The following SPATS2 variants were observed in gnomAD, a reference collection of about 807,000 sequenced individuals.
SPATS2 encodes spermatogenesis associated serine rich 2.
Under a neutral mutation model 63.7 loss-of-function variants are expected in SPATS2, and 38 were observed. The ratio of observed to expected loss-of-function variants is 0.60; its 90% CI spans 0.46 to 0.78. The LOEUF is 0.78. SPATS2 is among the 30% of genes least tolerant of loss of function. SPATS2 has a pLI of 0.00. For synonymous variants in SPATS2, 207 were observed against 232.9 expected (o/e 0.89, Z 1.01); for missense variants, 588 against 666.2 (o/e 0.88, Z 1.29).
intron 2 of SPATS2, among the ~76,000 whole-genome samples, chr12:49,398,149 A>T (rs1245454855): frequency 6.6e-6 from 1 of 150,692 alleles, no homozygotes. Flanking sequence ...AAAAAAAAAA[A>T]AAAAAAAAAA....
chr12:49,433,893 A>G (rs1418918281), intron 2 of SPATS2, among the ~76,000 whole-genome samples: 2 of 152,156 alleles, frequency 1.3e-5, no homozygotes, highest in African/African-American at 4.8e-5. Flanking sequence ...GTTTTCTTCT[A>G]GGAGTTTCAT....
Position 49,525,989 on chromosome 12 carries a change from G to A in SPATS2, c.1372G>A (p.Gly458Ser), listed in dbSNP as rs2138110568. The A allele has an allele frequency of 6.2e-6, 10 of 1,614,240 alleles. No homozygotes were observed. The highest frequency in any genetic ancestry group is 1.3e-5 in the African/African-American group (1 of 75,054). ...AGGAGGACAGGGCTATAGGCCACAA[G>A]GCCAAAAGTCCAATGACCCCATGAA... Reference protein sequence around the residue: ...RRGGQGYRPQGQKSNDPMNQG... With the variant: ...RRGGQGYRPQSQKSNDPMNQG... The change falls in exon 14 of 14, where the codon GGC (glycine) becomes AGC (serine). Residue 458 changes from glycine to serine, a missense_variant. Gly to Ser is a moderately conservative substitution (Grantham distance 56). Coordinates refer to ENST00000552918, the MANE Select transcript of SPATS2 (RefSeq NM_023071.4).
At chr12:49,469,322 G>A (rs59305208) in intron 3 of SPATS2, among the ~76,000 whole-genome samples, 2,186 of 147,562 alleles carry the variant, frequency 0.015, 54 homozygotes, top group African/African-American at 0.052. Flanking sequence ...CCCAGGAGGC[G>A]GAGGTTGCAG....
intron 10 of SPATS2, 82 bp from the exon 11 acceptor site, chr12:49,518,991 C>T (rs1946893692): frequency 1.8e-6 from 2 of 1,109,340 alleles, no homozygotes; most frequent in Admixed American, 2.5e-5. Context: ...TGACCAAATA[C>T]CTACTGCAAG....
intron 4 of SPATS2, among the ~76,000 whole-genome samples, chr12:49,486,682 G>C (rs1946299363): frequency 6.6e-6 from 1 of 151,700 alleles, no homozygotes; most frequent in Admixed American, 6.6e-5. Flanking sequence ...GCTGGAGGCT[G>C]AGGCAGGAGA....
At chr12:49,450,171 A>G (rs1440976387) in intron 2 of SPATS2, among the ~76,000 whole-genome samples, 1 of 151,046 alleles carries the variant, frequency 6.6e-6, no homozygotes, top group Non-Finnish European at 1.5e-5. Flanking sequence ...TTTTTTGTAG[A>G]TGGCATACAG....
chr12:49,415,684 G>A (rs942427284), intron 2 of SPATS2, among the ~76,000 whole-genome samples: 1 of 152,018 alleles, frequency 6.6e-6, no homozygotes, highest in Non-Finnish European at 1.5e-5. Flanking sequence ...AACGCTTTTT[G>A]CATTTACTTT....
At chr12:49,488,413 C>A (rs766867638) in intron 4 of SPATS2, among the ~76,000 whole-genome samples, 1 of 152,040 alleles carries the variant, frequency 6.6e-6, no homozygotes, top group South Asian at 2.1e-4. Context: ...AATCCCAGCA[C>A]TTTGGGAGGT....
intron 3 of SPATS2, among the ~76,000 whole-genome samples, chr12:49,466,053 T>C (rs1241334729): frequency 6.6e-6 from 1 of 151,606 alleles, no homozygotes; most frequent in Admixed American, 6.6e-5. Flanking sequence ...TTTGGTATCG[T>C]GTCTGAGAAT....
At chr12:49,452,603 CA>C (rs1282109460) in intron 2 of SPATS2, among the ~76,000 whole-genome samples, 1 of 152,086 alleles carries the variant, frequency 6.6e-6, no homozygotes, top group Non-Finnish European at 1.5e-5. Flanking sequence ...TTTTTTCTCC[CA>C]TTTCTTCAAG....
intron 2 of SPATS2, among the ~76,000 whole-genome samples, chr12:49,400,201 G>A (rs775271560): frequency 6.6e-6 from 1 of 152,116 alleles, no homozygotes; most frequent in South Asian, 2.1e-4. Flanking sequence ...ATCTAAGTAA[G>A]ATGACTAAAA....
At chr12:49,489,958 T>C (rs538291569) in intron 5 of SPATS2, among the ~76,000 whole-genome samples, 1 of 152,356 alleles carries the variant, frequency 6.6e-6, no homozygotes, top group African/African-American at 2.4e-5. Flanking sequence ...GTCTTCCGGA[T>C]TCTAATATCG....
At chr12:49,436,374 A>G (rs1246063433) in intron 2 of SPATS2, among the ~76,000 whole-genome samples, 1 of 138,746 alleles carries the variant, frequency 7.2e-6, no homozygotes, top group Non-Finnish European at 1.5e-5. Flanking sequence ...CATCTCCCGG[A>G]TGGGGCAGCT....
intron 11 of SPATS2, among the ~76,000 whole-genome samples, chr12:49,520,094 C>T (rs1299655412): frequency 1.3e-5 from 2 of 152,098 alleles, no homozygotes; most frequent in African/African-American, 4.8e-5. Flanking sequence ...CTTCTCCTGC[C>T]TCAGCCTCCC....
rs376618568 is a variant in SPATS2, at chr12:49,503,207, G to A, written c.839+3002G>A. On this transcript the variant is annotated intron_variant, in intron 9 of 13. Coordinates refer to ENST00000552918, the MANE Select transcript of SPATS2 (RefSeq NM_023071.4). ...TCTACTAAACATTCAAAAATTAGCC[G>A]GGCGTGGTGGCGTGCACCTGTAATC... 5.6e-4 allele frequency among the ~76,000 whole-genome samples: 85 copies of A among 152,048 alleles called. No individual in the cohort carries two copies. In the South Asian group the frequency reaches 0.012, roughly 22 times the overall value.
At chr12:49,432,673 A>G (rs1401828572) in intron 2 of SPATS2, among the ~76,000 whole-genome samples, 1 of 152,074 alleles carries the variant, frequency 6.6e-6, no homozygotes, top group African/African-American at 2.4e-5. Context: ...GGAATCATAC[A>G]GTTTTTGTCT....
intron 4 of SPATS2, among the ~76,000 whole-genome samples, chr12:49,486,587 A>G (rs1214458997): frequency 6.6e-6 from 1 of 152,160 alleles, no homozygotes; most frequent in Non-Finnish European, 1.5e-5. Flanking sequence ...AAAATGTATT[A>G]ACCTTCGTTG....
intron 2 of SPATS2, among the ~76,000 whole-genome samples, chr12:49,455,742 C>T (rs557021485): frequency 2.0e-5 from 3 of 152,326 alleles, no homozygotes; most frequent in East Asian, 1.9e-4. Flanking sequence ...CCACCTCACC[C>T]GCCTAAGTAG....
intron 2 of SPATS2, among the ~76,000 whole-genome samples, chr12:49,382,246 CA>C (rs1395259624): frequency 2.6e-5 from 4 of 152,222 alleles, no homozygotes; most frequent in African/African-American, 9.6e-5. Context: ...TACATACTTT[CA>C]CAATAGCACT....
Sources: allele counts gnomAD v4.1 joint callset (sites outside exome capture counted in the v4.1 genomes callset), GRCh38; gene constraint gnomAD v4.1.1; transcripts MANE v1.5; gene names NCBI Gene and HGNC (gene_info 2026-07-23, HGNC 2026-07-21).